The following SPAG17 variants were observed in gnomAD, a reference collection of about 807,000 sequenced individuals.
SPAG17 encodes the protein sperm-associated antigen 17.
SPAG17 carries 169 observed loss-of-function variants against 273.6 expected under a neutral mutation model. The ratio of observed to expected loss-of-function variants is 0.62; its 90% CI spans 0.55 to 0.70. The LOEUF (loss-of-function observed/expected upper bound fraction) is 0.70. SPAG17 is among the 30% of genes least tolerant of loss of function. SPAG17 has a pLI of 0.00. For synonymous variants in SPAG17, 825 were observed against 873.2 expected (o/e 0.94, Z 0.97); for missense variants, 2,557 against 2,627.8 (o/e 0.97, Z 0.59).
chr1:118,000,998 T>C (rs150532467), intron 32 of SPAG17, among the ~76,000 whole-genome samples: 10,707 of 152,170 alleles, frequency 0.07, 579 homozygotes, highest in East Asian at 0.31. Flanking sequence ...TACGTTCCAT[T>C]GATACCTAGT....
At chr1:117,969,095 G>T (rs1276105424) in intron 46 of SPAG17, among the ~76,000 whole-genome samples, 4 of 152,096 alleles carry the variant, frequency 2.6e-5, no homozygotes, top group African/African-American at 9.7e-5. Flanking sequence ...TATTTAAGAT[G>T]AACTTACGTT....
At chr1:117,983,358 A>AGG (rs1175038954) in intron 42 of SPAG17, among the ~76,000 whole-genome samples, 8 of 152,226 alleles carry the variant, frequency 5.3e-5, no homozygotes, top group Non-Finnish European at 1.0e-4. Context: ...AACCATATCA[A>AGG]GGATCTATGC....
chr1:118,027,717 T>C (rs1647917814), intron 26 of SPAG17, among the ~76,000 whole-genome samples: 1 of 152,198 alleles, frequency 6.6e-6, no homozygotes, highest in Non-Finnish European at 1.5e-5. Context: ...TTGTACTTAT[T>C]TATTTAGCTG....
intron 6 of SPAG17, among the ~76,000 whole-genome samples, chr1:118,099,046 C>T (rs929909377): frequency 2.0e-5 from 3 of 152,118 alleles, no homozygotes; most frequent in Non-Finnish European, 2.9e-5. Context: ...TTCCCTTCAA[C>T]AGAAGTCATC....
At chr1:118,108,215 G>T (rs1196830773) in intron 4 of SPAG17, among the ~76,000 whole-genome samples, 1 of 152,132 alleles carries the variant, frequency 6.6e-6, no homozygotes, top group African/African-American at 2.4e-5. Context: ...GTTGAACCAG[G>T]ACAGTCTCTT....
At position 118,081,351 on chromosome 1, in the gene SPAG17, A is replaced by G. The variant is rs563079047; in HGVS notation, c.1991-32T>C. The G allele has an allele frequency of 3.1e-6, 5 of 1,611,634 alleles. No homozygotes were observed. In the Admixed American group the frequency reaches 8.3e-5, roughly 27 times the overall value. On this transcript the variant is annotated intron_variant, in intron 14 of 48. Transcript: ENST00000336338. Reference sequence around the variant, plus strand: ...AGTGTAAGGAACATCCATGAGATACAATATGAGAAAAATTGACGATCATAA... The same window carrying G: ...AGTGTAAGGAACATCCATGAGATACGATATGAGAAAAATTGACGATCATAA...
intron 5 of SPAG17, 133 bp from the exon 6 acceptor site, chr1:118,099,933 C>T: frequency 2.9e-6 from 2 of 692,458 alleles, no homozygotes; most frequent in Non-Finnish European, 4.7e-6. Flanking sequence ...ATCCAGTTGG[C>T]TGGAATGCAG....
intron 15 of SPAG17, 97 bp downstream of exon 15, chr1:118,080,989 ACCAAATAACTTAAAT>A: frequency 1.2e-6 from 1 of 848,622 alleles, no homozygotes; most frequent in Non-Finnish European, 1.9e-6. Context: ...AGTTTAATTA[ACCAAATAACTTAAAT>A]TCAAATAATG....
chr1:118,107,656 A>G (rs959632591), intron 4 of SPAG17, among the ~76,000 whole-genome samples: 2 of 152,062 alleles, frequency 1.3e-5, no homozygotes, highest in Non-Finnish European at 2.9e-5. Context: ...CACCATGCCC[A>G]GCTAAAAGTA....
chr1:118,169,906 G>A (rs577485261), intron 1 of SPAG17, among the ~76,000 whole-genome samples: 2 of 152,248 alleles, frequency 1.3e-5, no homozygotes, highest in South Asian at 2.1e-4. Context: ...AAATTAAAAT[G>A]TGATTCCTCA....
intron 1 of SPAG17, among the ~76,000 whole-genome samples, chr1:118,184,178 T>C (rs1365432172): frequency 6.6e-6 from 1 of 152,174 alleles, no homozygotes; most frequent in East Asian, 1.9e-4. Flanking sequence ...GTACTGACTC[T>C]CTAGTGCACC....
At chr1:118,102,850 G>A (rs1656155014) in intron 4 of SPAG17, among the ~76,000 whole-genome samples, 1 of 152,200 alleles carries the variant, frequency 6.6e-6, no homozygotes, top group South Asian at 2.1e-4. Context: ...CAGAAGGGGA[G>A]AGGAGCACTT....
intron 29 of SPAG17, 28 bp downstream of exon 29, chr1:118,015,937 T>G: frequency 6.2e-7 from 1 of 1,602,114 alleles, no homozygotes; most frequent in Non-Finnish European, 8.5e-7. Context: ...ACTTAGAAAA[T>G]TTTGCAATAA....
chr1:117,992,159 G>C (rs1010523450), intron 36 of SPAG17, among the ~76,000 whole-genome samples: 4 of 152,114 alleles, frequency 2.6e-5, no homozygotes, highest in Non-Finnish European at 5.9e-5. Flanking sequence ...ATGTAGTTCT[G>C]TCTTTTTCCA....
chr1:117,974,839 A>G (rs1654965216), intron 43 of SPAG17, among the ~76,000 whole-genome samples: 1 of 152,174 alleles, frequency 6.6e-6, no homozygotes, highest in Non-Finnish European at 1.5e-5. Flanking sequence ...CTAATATTTG[A>G]GTGTCCACGA....
Position 118,005,595 on chromosome 1 carries a change from G to A in SPAG17, c.4595C>T (p.Pro1532Leu). 1 of 1,485,292 alleles carries A rather than the reference G, an allele frequency of 6.7e-7. No individual in the cohort carries two copies. The highest frequency in any genetic ancestry group is 9.0e-7 in the Non-Finnish European group (1 of 1,114,440). The allele number at this position is 1,485,292 out of a possible 1,614,324, so 92.0% of individuals were successfully genotyped here. A position where few individuals can be genotyped will look rare whatever the true frequency, so the allele number is the denominator to read the frequency against. ...AKPQGTYQVL[P>L]PNTGSLYIDK... Reference sequence around the variant, plus strand: ...AATATAAAGAGAGCCTGTGTTTGGAGGTAACACCTGAAAGAGTAACAGAAA... The same window carrying A: ...AATATAAAGAGAGCCTGTGTTTGGAAGTAACACCTGAAAGAGTAACAGAAA... Residue 1532 changes from proline (P) to leucine (L), a missense_variant, in exon 32 of 49, where the codon CCT (proline) becomes CTT (leucine). By Grantham distance (98) the Pro-to-Leu change is moderately conservative. Coordinates refer to ENST00000336338, the MANE Select transcript of SPAG17 (RefSeq NM_206996.4).
chr1:118,104,648 C>T lies in SPAG17; in HGVS notation c.448-2722G>A, dbSNP rs74548574. 6.6e-3 allele frequency among the ~76,000 whole-genome samples: 1,006 copies of T among 152,004 alleles called. 11 individuals are homozygous for T. The highest frequency in any genetic ancestry group is 0.016 in the African/African-American group (660 of 41,444). On this transcript the variant is annotated intron_variant, in intron 4 of 48. Coordinates refer to ENST00000336338, the MANE Select transcript of SPAG17 (RefSeq NM_206996.4). Reference sequence around the variant, plus strand: ...GAGAGATGCCAGCAGAAAGAGACAGCGAAGTGGATAAAAAGATAGGGAAAA... The same window carrying T: ...GAGAGATGCCAGCAGAAAGAGACAGTGAAGTGGATAAAAAGATAGGGAAAA...
At chr1:118,031,667 G>C in intron 25 of SPAG17, 25 bp downstream of exon 25, 1 of 1,608,496 alleles carries the variant, frequency 6.2e-7, no homozygotes, top group East Asian at 2.2e-5. Context: ...ACAGAGTTTG[G>C]GAATCTATGG....
chr1:117,986,307 C>A (rs912653781), intron 40 of SPAG17, among the ~76,000 whole-genome samples: 3 of 152,234 alleles, frequency 2.0e-5, no homozygotes, highest in Non-Finnish European at 4.4e-5. Context: ...AGAAACTAAT[C>A]AACCTTGTAA....
Sources: gnomAD v4.1 joint callset for allele counts (sites outside exome capture counted in the v4.1 genomes callset) on GRCh38, gnomAD v4.1.1 for gene constraint, MANE v1.5 for transcripts, NCBI Gene and HGNC (gene_info 2026-07-23, HGNC 2026-07-21) for gene names.